Variants in EML4 observed in about 807,000 individuals in gnomAD.
The protein encoded by EML4 is echinoderm microtubule-associated protein-like 4.
A neutral mutation model predicts 129.0 loss-of-function variants in EML4; 72 were observed. That is an observed-to-expected ratio of 0.56 (90% CI 0.46 to 0.68). The LOEUF (loss-of-function observed/expected upper bound fraction) is 0.68, where lower values mean the gene tolerates loss of function less well. Among genes scored for constraint, EML4 ranks in the 30% least tolerant of loss-of-function variants. The probability of loss-of-function intolerance (pLI) is 0.00; values close to 1 mark genes in which losing one functional copy is unlikely to be tolerated. For synonymous variants in EML4, 532 were observed against 405.0 expected (o/e 1.31, Z -3.77); for missense variants, 1,363 against 1,190.6 (o/e 1.14, Z -2.13).
intron 1 of EML4, among the ~76,000 whole-genome samples, chr2:42,245,093 T>C (rs75106276): frequency 0.035 from 3,094 of 88,414 alleles, 247 homozygotes; most frequent in African/African-American, 0.12. Flanking sequence ...AAATTTTCTT[T>C]CTTTTTTTTT....
chr2:42,264,693 A>C lies in EML4; in HGVS notation c.642-13A>C, dbSNP rs1345080010. 11 of 1,381,738 alleles carry C rather than the reference A, an allele frequency of 8.0e-6. No individual in the cohort carries two copies. In the East Asian group the frequency reaches 2.5e-4, roughly 32 times the overall value. 85.6% of individuals were successfully genotyped at this position (1,381,738 alleles called of 1,614,324 possible). A position where few individuals can be genotyped will look rare whatever the true frequency, so the allele number is the denominator to read the frequency against. ...CTTATAAAATAAATGTGTTTCTTAA[A>C]TTTCTTTTCTAGGCATAAAGATGTC... On this transcript the variant is annotated splice_polypyrimidine_tract_variant and intron_variant, in intron 5 of 22. Transcript: ENST00000318522.
chr2:42,283,250 A>G (rs1667114296), intron 8 of EML4, among the ~76,000 whole-genome samples: 1 of 152,206 alleles, frequency 6.6e-6, no homozygotes, highest in African/African-American at 2.4e-5. Flanking sequence ...TCTGGTCTGT[A>G]GTGTGAAACA....
At chr2:42,301,431 T>C (rs1402707519) in intron 14 of EML4, 39 bp downstream of exon 14, 1 of 1,471,802 alleles carries the variant, frequency 6.8e-7, no homozygotes, top group African/African-American at 1.4e-5. Context: ...TTAAATACTC[T>C]AAACTCAGGT....
intron 2 of EML4, among the ~76,000 whole-genome samples, chr2:42,249,742 C>G (rs1249730505): frequency 6.6e-6 from 1 of 152,090 alleles, no homozygotes; most frequent in African/African-American, 2.4e-5. Flanking sequence ...TAAAGCTAAG[C>G]CCCATTTTTT....
At chr2:42,195,350 A>T (rs1196050216) in intron 1 of EML4, among the ~76,000 whole-genome samples, 2 of 152,230 alleles carry the variant, frequency 1.3e-5, no homozygotes, top group Non-Finnish European at 2.9e-5. Flanking sequence ...TCATAGTATT[A>T]TAATGTTTAA....
rs1675358281 is a variant in EML4, at chr2:42,245,699, G to A, written c.208+12G>A. 6.3e-7 allele frequency: 1 copy of A among 1,577,394 alleles called. No individual in the cohort carries two copies. Among genetic ancestry groups the A allele is most frequent in the African/African-American group, 1.4e-5 (1 of 73,142 alleles). On this transcript the variant is annotated intron_variant, in intron 2 of 22. Coordinates refer to ENST00000318522, the MANE Select transcript of EML4 (RefSeq NM_019063.5). ...AGTCTCAAGTAAAGGTAATTGTGTT[G>A]TAAAGTTAAAAAGAGTCTTGCTTTT...
rs1225895565 is a variant in EML4 at position 42,331,715 on chromosome 2, TC to T, written c.*1509del. 2 of 220,382 alleles carry T rather than the reference TC, an allele frequency of 9.1e-6. No individual in the cohort carries two copies. The highest frequency in any genetic ancestry group is 2.2e-5 in the African/African-American group (1 of 44,636). 13.7% of individuals were successfully genotyped at this position (220,382 alleles called of 1,614,324 possible). A position where few individuals can be genotyped will look rare whatever the true frequency, so the allele number is the denominator to read the frequency against. On this transcript the variant is annotated 3_prime_UTR_variant, in exon 23 of 23. Coordinates refer to ENST00000318522, the MANE Select transcript of EML4 (RefSeq NM_019063.5). ...TCAGGAGTAATACAAATCAGGTATT[TC>T]ATCATCATTTGGTAATATGAAAACT...
At position 42,210,871 on chromosome 2, in the gene EML4, G is replaced by C. The variant is rs143864729; in HGVS notation, c.26-34634G>C. Among the ~76,000 whole-genome samples, 244 of 152,246 alleles carry C rather than the reference G, an allele frequency of 1.6e-3. 5 individuals carry two copies. The East Asian group carries it at 0.042, about 26-fold the overall frequency. ...TTTAGTTTTTAGAGATTTATTTTAA[G>C]ATTAATTTTATACCACTCAGTAGAT... On this transcript the variant is annotated intron_variant, in intron 1 of 22. Coordinates refer to ENST00000318522, the MANE Select transcript of EML4 (RefSeq NM_019063.5).
At chr2:42,288,188 C>T in intron 10 of EML4, 39 bp from the exon 11 acceptor site, 1 of 838,980 alleles carries the variant, frequency 1.2e-6, no homozygotes. Flanking sequence ...TTAGCCCTAT[C>T]AGTGAATTTT....
intron 20 of EML4, chr2:42,325,946 GAA>G: frequency 3.8e-6 from 1 of 265,164 alleles, no homozygotes; most frequent in Non-Finnish European, 5.7e-6. Flanking sequence ...CTTTTTAGAG[GAA>G]AAAAAAAACT....
chr2:42,253,105 C>T (rs1675887286), intron 2 of EML4, among the ~76,000 whole-genome samples: 1 of 152,140 alleles, frequency 6.6e-6, no homozygotes, highest in Admixed American at 6.5e-5. Flanking sequence ...AGAGAAGGAT[C>T]ATCCAGGTGC....
At chr2:42,209,498 G>A (rs1032394939) in intron 1 of EML4, among the ~76,000 whole-genome samples, 7 of 152,006 alleles carry the variant, frequency 4.6e-5, no homozygotes, top group South Asian at 2.1e-4. Flanking sequence ...AACTTTGATC[G>A]GACCTTTGAT....
intron 1 of EML4, among the ~76,000 whole-genome samples, chr2:42,177,248 T>A (rs1007801687): frequency 7.2e-6 from 1 of 139,528 alleles, no homozygotes; most frequent in Non-Finnish European, 1.6e-5. Context: ...ACCTTCACTT[T>A]CATACCTCTT....
intron 6 of EML4, among the ~76,000 whole-genome samples, chr2:42,280,318 G>A (rs2104457602): frequency 6.6e-6 from 1 of 152,250 alleles, no homozygotes; most frequent in Middle Eastern, 3.4e-3. Flanking sequence ...TAAGGAAATG[G>A]CCATTGGTTT....
At chr2:42,197,223 TG>T (rs1479269719) in intron 1 of EML4, among the ~76,000 whole-genome samples, 22 of 152,214 alleles carry the variant, frequency 1.4e-4, no homozygotes, top group South Asian at 2.1e-4. Flanking sequence ...CCACCACTCC[TG>T]GCTAATTTTC....
At chr2:42,192,232 GT>G (rs1312027435) in intron 1 of EML4, among the ~76,000 whole-genome samples, 17 of 126,294 alleles carry the variant, frequency 1.3e-4, no homozygotes, top group East Asian at 2.3e-4. Context: ...TTGTTTTTTT[GT>G]TTTTTTTTTT....
At position 42,330,019 on chromosome 2, in the gene EML4, C is replaced by G. The variant is rs779628494; in HGVS notation, c.2758C>G (p.Pro920Ala). Residue 920 changes from proline (P) to alanine (A), a missense_variant, in exon 23 of 23, where the codon CCC becomes GCC. Transcript: ENST00000318522. ...AGAGGAAAGTAGAATAAGCAGTTCT[C>G]CCACACTTCTGGAGAACAGCCTGGA... ...AEEESRISSS[P>A]TLLENSLEQT... 6.2e-7 allele frequency: 1 copy of G among 1,613,618 alleles called. No homozygotes were observed. Among genetic ancestry groups the G allele is most frequent in the Admixed American group, 1.7e-5 (1 of 59,944 alleles).
At chr2:42,226,644 A>T (rs1037604820) in intron 1 of EML4, among the ~76,000 whole-genome samples, 1 of 151,818 alleles carries the variant, frequency 6.6e-6, no homozygotes, top group Non-Finnish European at 1.5e-5. Context: ...GCAACAGAGT[A>T]AGACTCTGTC....
In EML4 at chr2:42,295,171, C is replaced by T; in HGVS notation, c.1265C>T (p.Ala422Val). 6.2e-7 allele frequency: 1 copy of T among 1,612,712 alleles called. No individual in the cohort carries two copies. Among genetic ancestry groups the T allele is most frequent in the Non-Finnish European group, 8.5e-7 (1 of 1,179,572 alleles). The stretch of plus-strand genomic sequence containing the variant: ...GCTGTGGAGTTTCACCCAACAGATG[C>T]AAATACCATAATTACATGCGGTAAA... Reference protein sequence around the residue: ...VLAVEFHPTDANTIITCGKSH... With the variant: ...VLAVEFHPTDVNTIITCGKSH... Residue 422 changes from alanine (A) to valine (V), a missense_variant, in exon 12 of 23, where the codon GCA (alanine) becomes GTA (valine). By Grantham distance (64) the Ala-to-Val change is moderately conservative. Transcript: ENST00000318522.
Sources: allele counts gnomAD v4.1 joint callset (sites outside exome capture counted in the v4.1 genomes callset), GRCh38; gene constraint gnomAD v4.1.1; transcripts MANE v1.5; gene names NCBI Gene and HGNC (gene_info 2026-07-23, HGNC 2026-07-21).